MEGF10: variants seen among roughly 807,000 people sequenced by gnomAD.
MEGF10 encodes the protein multiple EGF like domains 10.
MEGF10 carries 86 observed loss-of-function variants against 147.5 expected under a neutral mutation model. The observed-to-expected ratio is 0.58, with a 90% CI of 0.49 to 0.70. The LOEUF is 0.70. MEGF10 is among the 30% of genes least tolerant of loss of function. MEGF10 has a pLI of 0.00. For missense variants in MEGF10, 1,329 were observed against 1,487.3 expected, an observed-to-expected ratio of 0.89 and a Z score of 1.75; for synonymous variants, 478 against 525.5, an observed-to-expected ratio of 0.91 and a Z score of 1.24.
At chr5:127,400,834 C>CAAAATATG (rs1376613470) in intron 7 of MEGF10, among the ~76,000 whole-genome samples, 1 of 152,178 alleles carries the variant, frequency 6.6e-6, no homozygotes, top group African/African-American at 2.4e-5. Context: ...AGGCCCCTTA[C>CAAAATATG]CTTACTTCTG....
rs1580895849 is a variant in MEGF10 at position 127,457,371 on chromosome 5, G to T, written c.*53G>T. On this transcript the variant is annotated 3_prime_UTR_variant, in exon 25 of 25. Transcript: ENST00000503335. ...GAACCCTTTCCAGAACTGCTGTTTG[G>T]TTCTTCTCCATCCTCAATTTTGCCA... 1.3e-6 allele frequency: 2 copies of T among 1,550,020 alleles called. No homozygotes were observed. Among genetic ancestry groups the T allele is most frequent in the East Asian group, 4.5e-5 (2 of 44,056 alleles).
intron 19 of MEGF10, chr5:127,444,650 G>C (rs889470566): frequency 3.9e-5 from 6 of 152,302 alleles, no homozygotes; most frequent in Non-Finnish European, 8.8e-5. Flanking sequence ...GTTATCACTT[G>C]ACGGACCATA....
chr5:127,248,742 T>C, the MEGF10 span, among the ~76,000 whole-genome samples: 1 of 148,928 alleles, frequency 6.7e-6, no homozygotes, highest in South Asian at 2.1e-4. Context: ...TTGTCCCATA[T>C]GTAGGGAAGT....
intron 4 of MEGF10, among the ~76,000 whole-genome samples, chr5:127,365,111 C>T (rs142657246): frequency 4.6e-4 from 70 of 152,202 alleles, no homozygotes; most frequent in Non-Finnish European, 8.5e-4. Flanking sequence ...TTGCTCATAG[C>T]GTCAGAATAA....
the MEGF10 span, among the ~76,000 whole-genome samples, chr5:127,275,815 C>T: frequency 2.6e-5 from 4 of 151,944 alleles, no homozygotes; most frequent in Admixed American, 6.6e-5. Flanking sequence ...TTGTTGACAC[C>T]GAGAGTAGAC....
intron 5 of MEGF10, among the ~76,000 whole-genome samples, chr5:127,372,547 A>G (rs1473141284): frequency 1.3e-5 from 2 of 152,264 alleles, no homozygotes; most frequent in African/African-American, 4.8e-5. Context: ...CCAACACACT[A>G]CATTTCACTG....
At chr5:127,443,847 G>A (rs1347571852) in intron 19 of MEGF10, among the ~76,000 whole-genome samples, 1 of 152,204 alleles carries the variant, frequency 6.6e-6, no homozygotes, top group African/African-American at 2.4e-5. Flanking sequence ...CTGATGGACA[G>A]GTGGATTGTT....
At chr5:127,249,964 C>T in the MEGF10 span, among the ~76,000 whole-genome samples, 1 of 152,034 alleles carries the variant, frequency 6.6e-6, no homozygotes, top group East Asian at 1.9e-4. Flanking sequence ...CAAACCCACT[C>T]CTGTGATAAC....
chr5:127,287,193 TA>T, upstream of MEGF10, among the ~76,000 whole-genome samples: 1 of 152,086 alleles, frequency 6.6e-6, no homozygotes, highest in South Asian at 2.1e-4. Flanking sequence ...TACTTAATGG[TA>T]CAAGACAGAT....
chr5:127,375,223 CT>C (rs34537147), intron 5 of MEGF10, among the ~76,000 whole-genome samples: 112,437 of 151,456 alleles, frequency 0.74, 42,236 homozygotes, highest in Middle Eastern at 0.86. Context: ...ACATAGCTGT[CT>C]TTTTTTTTTC....
intron 6 of MEGF10, among the ~76,000 whole-genome samples, chr5:127,398,065 G>T (rs1396755296): frequency 8.6e-5 from 13 of 151,648 alleles, no homozygotes; most frequent in Non-Finnish European, 1.3e-4. Flanking sequence ...GGGTCTGTCT[G>T]GGGGTGGGGG....
intron 13 of MEGF10, among the ~76,000 whole-genome samples, chr5:127,426,157 T>C (rs1220443662): frequency 6.6e-6 from 1 of 152,220 alleles, no homozygotes; most frequent in Non-Finnish European, 1.5e-5. Context: ...TAAGGTGAGA[T>C]GCCAAGGAAG....
the MEGF10 span, among the ~76,000 whole-genome samples, chr5:127,275,855 A>G: frequency 2.6e-5 from 4 of 152,214 alleles, no homozygotes; most frequent in Middle Eastern, 3.4e-3. Context: ...GATATTTGTG[A>G]GACTATTTGG....
At chr5:127,232,050 G>A in the MEGF10 span, among the ~76,000 whole-genome samples, 1 of 152,228 alleles carries the variant, frequency 6.6e-6, no homozygotes, top group African/African-American at 2.4e-5. Context: ...GAAGGCAAAG[G>A]AAGTAAGCCC....
chr5:127,313,078 G>A (rs143892356), intron 1 of MEGF10, among the ~76,000 whole-genome samples: 11 of 152,198 alleles, frequency 7.2e-5, no homozygotes, highest in Admixed American at 2.6e-4. Context: ...AAAAGTATAC[G>A]TTCTCAACAG....
rs369231278 is a variant in MEGF10 at position 127,339,213 on chromosome 5, G to A, written c.210G>A (p.Thr70=). 121 of 1,609,308 alleles carry A rather than the reference G, an allele frequency of 7.5e-5. No individual in the cohort carries two copies. The highest frequency in any genetic ancestry group is 1.1e-4 in the South Asian group (10 of 90,816). Residue 70 remains threonine (T), a synonymous_variant, in exon 3 of 25, where the codon ACG becomes ACA. Transcript: ENST00000503335. ...CTDILNWFKC[T]RHRVSYRTAY... Reference sequence around the variant, plus strand: ...ACATTCTAAACTGGTTTAAATGCACGCGGCACAGGTAATAGAAGCTCAGGC... The same window carrying A: ...ACATTCTAAACTGGTTTAAATGCACACGGCACAGGTAATAGAAGCTCAGGC...
chr5:127,405,729 A>G (rs1764297406), intron 8 of MEGF10, among the ~76,000 whole-genome samples: 2 of 152,124 alleles, frequency 1.3e-5, no homozygotes, highest in South Asian at 4.1e-4. Context: ...CATGTTTGCT[A>G]TTGGTATTTA....
chr5:127,230,885 A>C, the MEGF10 span, among the ~76,000 whole-genome samples: 2 of 152,220 alleles, frequency 1.3e-5, no homozygotes, highest in African/African-American at 4.8e-5. Flanking sequence ...AGTGCCACTT[A>C]TTCAGTCCCT....
chr5:127,241,725 G>A, the MEGF10 span, among the ~76,000 whole-genome samples: 2 of 152,170 alleles, frequency 1.3e-5, no homozygotes, highest in African/African-American at 4.8e-5. Flanking sequence ...ATAACAGAGA[G>A]TGAAATAATC....
Sources: allele counts gnomAD v4.1 joint callset (sites outside exome capture counted in the v4.1 genomes callset), GRCh38; gene constraint gnomAD v4.1.1; transcripts MANE v1.5; gene names NCBI Gene and HGNC (gene_info 2026-07-23, HGNC 2026-07-21).